GNAL: variants seen among roughly 807,000 people sequenced by gnomAD.
GNAL encodes G protein subunit alpha L.
Under a neutral mutation model 55.1 loss-of-function variants are expected in GNAL, and 18 were observed. The ratio of observed to expected loss-of-function variants is 0.33; its 90% confidence interval spans 0.23 to 0.48. The LOEUF is 0.48. Among genes scored for constraint, GNAL ranks in the 20% least tolerant of loss-of-function variants. The probability of loss-of-function intolerance (pLI) is 0.99; values close to 1 mark genes in which losing one functional copy is unlikely to be tolerated. For synonymous variants in GNAL, 253 were observed against 237.0 expected, an observed-to-expected ratio of 1.07 and a Z score of -0.62; for missense variants, 412 against 614.1, an observed-to-expected ratio of 0.67 and a Z score of 3.48.
At chr18:11,791,911 C>G (rs1239090628) in intron 4 of GNAL, among the ~76,000 whole-genome samples, 1 of 152,178 alleles carries the variant, frequency 6.6e-6, no homozygotes, top group Non-Finnish European at 1.5e-5. Flanking sequence ...CAGGTGTCTC[C>G]CCTGGTACAG....
At position 11,733,873 on chromosome 18, in the gene GNAL, A is replaced by G. The variant is rs1482941199; in HGVS notation, c.377-18980A>G. 1.1e-4 allele frequency among the ~76,000 whole-genome samples: 12 copies of G among 111,300 alleles called. No individual in the cohort carries two copies. In the East Asian group the frequency reaches 1.3e-3, roughly 12 times the overall value. The allele number at this position is 111,300 out of a possible 152,430, so 73.0% of individuals were successfully genotyped here. On this transcript the variant is annotated intron_variant, in intron 1 of 11. Transcript: ENST00000334049. ...CTTGTATCCCCTATGTCTATCACTG[A>G]AAAAAAAAAAAAAAAAAAGTCCAAG...
intron 4 of GNAL, among the ~76,000 whole-genome samples, chr18:11,803,430 T>G (rs987856957): frequency 6.6e-6 from 1 of 152,278 alleles, no homozygotes. Context: ...GATACTCCAT[T>G]GTGTGTCTAG....
At position 11,695,156 on chromosome 18, in the gene GNAL, T is replaced by A. The variant is rs116053914; in HGVS notation, c.376+5217T>A. Among the ~76,000 whole-genome samples the A allele has an allele frequency of 4.0e-3, 611 of 152,328 alleles. 2 individuals are homozygous for A. The highest frequency in any genetic ancestry group is 0.014 in the African/African-American group (567 of 41,578). ...GCGTGCCCTGTCTAAAAGGGACAGC[T>A]GCATCCTAGCTTCATCCCACTGTTG... On this transcript the variant is annotated intron_variant, in intron 1 of 11. Coordinates refer to ENST00000334049, the MANE Select transcript of GNAL (RefSeq NM_182978.4).
chr18:11,862,446 C>G lies in GNAL; in HGVS notation c.774C>G (p.Asp258Glu). The change falls in exon 6 of 12, where the codon GAC becomes GAG. Residue 258 changes from aspartate (D) to glutamate (E), a missense_variant. By Grantham distance (45) the Asp-to-Glu change is conservative. This residue lies in a region of GNAL where 53 missense variants were observed against 182.7 expected (regional missense o/e 0.29). Coordinates refer to ENST00000334049, the MANE Select transcript of GNAL (RefSeq NM_182978.4). ...GCTTGGTTGACTACACACCCACAGA[C>G]CAGGTATGTGGAATTAGGGTCCCCC... Reference protein sequence around the residue: ...SVSLVDYTPTDQDLLRCRVLT... With the variant: ...SVSLVDYTPTEQDLLRCRVLT... 1 of 1,608,958 alleles carries G rather than the reference C, an allele frequency of 6.2e-7. No individual in the cohort carries two copies. Among genetic ancestry groups the G allele is most frequent in the Non-Finnish European group, 8.5e-7 (1 of 1,175,314 alleles).
At chr18:11,877,129 C>T (rs377037852) in intron 11 of GNAL, among the ~76,000 whole-genome samples, 1 of 152,140 alleles carries the variant, frequency 6.6e-6, no homozygotes, top group Admixed American at 6.5e-5. Context: ...TTCAAACTTA[C>T]ATATGAGGCA....
intron 4 of GNAL, 33 bp from the exon 5 acceptor site, chr18:11,824,885 T>C: frequency 2.6e-6 from 3 of 1,137,772 alleles, no homozygotes; most frequent in Non-Finnish European, 3.9e-6. Flanking sequence ...TTACACTTTT[T>C]TTTTTTTAAT....
chr18:11,794,718 T>C (rs977359925), intron 4 of GNAL, among the ~76,000 whole-genome samples: 1 of 150,694 alleles, frequency 6.6e-6, no homozygotes, highest in African/African-American at 2.5e-5. Context: ...ATGGTTACTT[T>C]TATGTTATGT....
intron 1 of GNAL, among the ~76,000 whole-genome samples, chr18:11,742,797 C>T (rs2032607074): frequency 6.6e-6 from 1 of 152,214 alleles, no homozygotes; most frequent in Admixed American, 6.5e-5. Context: ...TCCAAGGACC[C>T]TCACACACCC....
intron 4 of GNAL, among the ~76,000 whole-genome samples, chr18:11,760,927 A>G (rs2033220625): frequency 1.3e-5 from 2 of 152,156 alleles, no homozygotes; most frequent in South Asian, 4.1e-4. Context: ...GGCAACACCT[A>G]CTTCCTGTGG....
At chr18:11,757,722 A>C (rs2033105192) in intron 4 of GNAL, among the ~76,000 whole-genome samples, 1 of 152,126 alleles carries the variant, frequency 6.6e-6, no homozygotes. Context: ...GGAGATGACT[A>C]TTACGACATC....
intron 5 of GNAL, chr18:11,857,699 T>C: frequency 1.0e-6 from 1 of 985,286 alleles, no homozygotes; most frequent in Non-Finnish European, 1.2e-6. Flanking sequence ...GTGACGCCGA[T>C]ATGCTGCGAG....
chr18:11,692,265 C>A (rs958475651), intron 1 of GNAL, among the ~76,000 whole-genome samples: 3 of 152,162 alleles, frequency 2.0e-5, no homozygotes, highest in Admixed American at 6.5e-5. Context: ...GACTTGTCCA[C>A]TGCAAGAATG....
intron 4 of GNAL, among the ~76,000 whole-genome samples, chr18:11,757,288 CT>C (rs1351087184): frequency 6.6e-6 from 1 of 152,112 alleles, no homozygotes; most frequent in East Asian, 1.9e-4. Context: ...GAGGCTGGAT[CT>C]TATCATCAGC....
At chr18:11,817,831 C>T (rs951562884) in intron 4 of GNAL, among the ~76,000 whole-genome samples, 2 of 151,628 alleles carry the variant, frequency 1.3e-5, no homozygotes, top group Non-Finnish European at 3.0e-5. Context: ...TCTGGTGATC[C>T]GCCCGCCTCA....
intron 4 of GNAL, among the ~76,000 whole-genome samples, chr18:11,803,154 T>G (rs1437238205): frequency 6.6e-6 from 1 of 152,232 alleles, no homozygotes; most frequent in African/African-American, 2.4e-5. Flanking sequence ...CACACTGTTG[T>G]GCAACCATCA....
At chr18:11,857,958 AT>A (rs1446521099) in intron 5 of GNAL, among the ~76,000 whole-genome samples, 2 of 152,334 alleles carry the variant, frequency 1.3e-5, no homozygotes, top group East Asian at 3.9e-4. Flanking sequence ...CAGATTTCCA[AT>A]TGCTATATGT....
chr18:11,792,144 A>G (rs908901152), intron 4 of GNAL, among the ~76,000 whole-genome samples: 1 of 152,024 alleles, frequency 6.6e-6, no homozygotes, highest in African/African-American at 2.4e-5. Flanking sequence ...AATTATATCC[A>G]GTACTTACTG....
chr18:11,736,068 A>G (rs555141334), intron 1 of GNAL, among the ~76,000 whole-genome samples: 3 of 152,152 alleles, frequency 2.0e-5, no homozygotes, highest in African/African-American at 7.2e-5. Context: ...AATCTAGTCT[A>G]TTTTCTTCCC....
chr18:11,719,806 T>C (rs1479223345), intron 1 of GNAL, among the ~76,000 whole-genome samples: 1 of 152,222 alleles, frequency 6.6e-6, no homozygotes. Flanking sequence ...GCTCACACCA[T>C]GCTGCAGCGG....
Sources: allele counts gnomAD v4.1 joint callset (sites outside exome capture counted in the v4.1 genomes callset), GRCh38; gene constraint gnomAD v4.1.1; regional missense constraint gnomAD v4.1.1; transcripts MANE v1.5; gene names NCBI Gene and HGNC (gene_info 2026-07-23, HGNC 2026-07-21).